The following GBP5 variants were observed in gnomAD, a reference collection of about 807,000 sequenced individuals.
The protein encoded by GBP5 is guanylate binding protein 5.
In GBP5, 48 loss-of-function variants were observed where a neutral mutation model predicts 58.2. The ratio of observed to expected loss-of-function variants is 0.83; its 90% CI spans 0.65 to 1.05. The LOEUF is 1.05. GBP5 is among the 50% of genes least tolerant of loss of function. The pLI, the probability that GBP5 is intolerant of heterozygous loss-of-function variation, is 0.00. For synonymous variants in GBP5, 248 were observed against 251.8 expected, an observed-to-expected ratio of 0.98 and a Z score of 0.14; for missense variants, 714 against 686.8, an observed-to-expected ratio of 1.04 and a Z score of -0.44.
rs1464194739 is a variant in GBP5, at chr1:89,258,223, G to C, written c.*2481C>G. On this transcript the variant is annotated 3_prime_UTR_variant, in exon 12 of 12. Transcript: ENST00000370459. ...TGGTGGGGGAGATATAATAGCAAAA[G>C]TTAAATTAGACTAGAAATCAACTAC... 6.6e-6 allele frequency among the ~76,000 whole-genome samples: 1 copy of C among 152,146 alleles called. No homozygotes were observed. The highest frequency in any genetic ancestry group is 2.4e-5 in the African/African-American group (1 of 41,436).
chr1:89,271,330 T>C (rs1239037945), intron 1 of GBP5: 2 of 152,212 alleles, frequency 1.3e-5, no homozygotes, highest in African/African-American at 4.8e-5. Context: ...TGTATCTCTC[T>C]GGCATTTCAC....
At chr1:89,268,192 T>C (rs776820837) in intron 4 of GBP5, among the ~76,000 whole-genome samples, 2 of 152,258 alleles carry the variant, frequency 1.3e-5, no homozygotes, top group African/African-American at 2.4e-5. Context: ...AGTCAAGTGC[T>C]ACAAATCATG....
rs1227430434 is a variant in GBP5, at chr1:89,262,333, C to T, written c.1534G>A (p.Glu512Lys). 1 of 1,614,128 alleles carries T rather than the reference C, an allele frequency of 6.2e-7. No homozygotes were observed. Among genetic ancestry groups the T allele is most frequent in the Non-Finnish European group, 8.5e-7 (1 of 1,180,000 alleles). Residue 512 changes from glutamate (E) to lysine (K), a missense_variant, in exon 11 of 12, where the codon GAG (glutamate) becomes AAG (lysine). Transcript: ENST00000370459. Reference sequence around the variant, plus strand: ...CTCTCCCTCTCCTGCATCATTTGCTCGTTCTGCCTTTGAATCGCCGCCAAC... The same window carrying T: ...CTCTCCCTCTCCTGCATCATTTGCTTGTTCTGCCTTTGAATCGCCGCCAAC... Reference protein sequence around the residue: ...QRLAAIQRQNEQMMQERERLH... With the variant: ...QRLAAIQRQNKQMMQERERLH...
chr1:89,264,267 C>T (rs11587221), intron 8 of GBP5, among the ~76,000 whole-genome samples: 71,675 of 151,948 alleles, frequency 0.47, 17,915 homozygotes, highest in Middle Eastern at 0.59. Flanking sequence ...CAGTGTTTTA[C>T]TCGGGATTTC....
chr1:89,257,981 A>G lies in GBP5; in HGVS notation c.*2723T>C, dbSNP rs1457729122. Among the ~76,000 whole-genome samples, 1 of 152,232 alleles carries G rather than the reference A, an allele frequency of 6.6e-6. No individual in the cohort carries two copies. Among genetic ancestry groups the G allele is most frequent in the Non-Finnish European group, 1.5e-5 (1 of 68,036 alleles). Reference sequence around the variant, plus strand: ...AAACTAGATCAGTTGATTTCACAACAGTAAGACAAAGAAAGTCAGAAAATA... The same window carrying G: ...AAACTAGATCAGTTGATTTCACAACGGTAAGACAAAGAAAGTCAGAAAATA... On this transcript the variant is annotated 3_prime_UTR_variant, in exon 12 of 12. Transcript: ENST00000370459.
At chr1:89,265,371 TTA>T (rs1650167381) in intron 7 of GBP5, among the ~76,000 whole-genome samples, 1 of 151,174 alleles carries the variant, frequency 6.6e-6, no homozygotes, top group African/African-American at 2.4e-5. Context: ...TTCTTTTTAT[TTA>T]TATATATATT....
intron 11 of GBP5, among the ~76,000 whole-genome samples, chr1:89,261,611 G>A (rs1044352781): frequency 6.6e-6 from 1 of 152,190 alleles, no homozygotes; most frequent in Non-Finnish European, 1.5e-5. Flanking sequence ...GATTAGATGA[G>A]ATAATGCATG....
chr1:89,270,920 G>A (rs1650420968), intron 1 of GBP5, 58 bp from the exon 2 acceptor site: 1 of 152,180 alleles, frequency 6.6e-6, no homozygotes, highest in Admixed American at 6.5e-5. Context: ...GAGCTTACAA[G>A]ATCTTATGAT....
At chr1:89,261,990 G>A (rs913678313) in intron 11 of GBP5, 2 of 539,392 alleles carry the variant, frequency 3.7e-6, no homozygotes, top group East Asian at 6.0e-5. Flanking sequence ...CTATAACATA[G>A]ATATCATCAC....
chr1:89,264,935 A>G lies in GBP5; in HGVS notation c.900T>C (p.Asn300=), dbSNP rs748527233. 1.2e-5 allele frequency: 19 copies of G among 1,614,150 alleles called. No homozygotes were observed. Among genetic ancestry groups the G allele is most frequent in the Non-Finnish European group, 1.4e-5 (17 of 1,179,950 alleles). ...AAGGCAGATCCCCACTGCTGATGGC[A>G]TTGACATAGGTCAGCACCAGGTTCT... ...RLKNLVLTYV[N]AISSGDLPCI... The change falls in exon 8 of 12, where the codon AAT becomes AAC. Residue 300 remains asparagine, a synonymous_variant. Coordinates refer to ENST00000370459, the MANE Select transcript of GBP5 (RefSeq NM_052942.5).
chr1:89,262,379 A>T lies in GBP5; in HGVS notation c.1488T>A (p.Ala496=), dbSNP rs1477438803. 1 of 1,613,854 alleles carries T rather than the reference A, an allele frequency of 6.2e-7. No homozygotes were observed. Among genetic ancestry groups the T allele is most frequent in the South Asian group, 1.1e-5 (1 of 91,082 alleles). Residue 496 remains alanine, a synonymous_variant, in exon 11 of 12, where the codon GCT becomes GCA. Transcript: ENST00000370459. ...KKKEAQVKAE[A]EKAEAQRLAA... Reference sequence around the variant, plus strand: ...CCAACCTTTGCGCTTCAGCCTTTTCAGCTTCTGCTTTCACTTGTGCCTCTG... The same window carrying T: ...CCAACCTTTGCGCTTCAGCCTTTTCTGCTTCTGCTTTCACTTGTGCCTCTG...
intron 6 of GBP5, 145 bp from the exon 7 acceptor site, chr1:89,266,733 T>C (rs537832099): frequency 1.3e-4 from 104 of 830,348 alleles, no homozygotes; most frequent in Non-Finnish European, 1.7e-4. Context: ...TGGTAACTAA[T>C]CAGGGAAAGT....
intron 7 of GBP5, among the ~76,000 whole-genome samples, chr1:89,265,228 C>T (rs1650163672): frequency 6.6e-6 from 1 of 152,136 alleles, no homozygotes; most frequent in South Asian, 2.1e-4. Flanking sequence ...TACAGTTCAT[C>T]CTTCTCTGAT....
chr1:89,267,295 T>G (rs1650259742), intron 5 of GBP5, 122 bp downstream of exon 5: 2 of 964,632 alleles, frequency 2.1e-6, no homozygotes, highest in Admixed American at 2.5e-5. Context: ...GGCTCCTTTC[T>G]TTGTACTTTC....
chr1:89,265,088 G>T, intron 7 of GBP5, 122 bp from the exon 8 acceptor site: 1 of 901,164 alleles, frequency 1.1e-6, no homozygotes, highest in Non-Finnish European at 1.7e-6. Flanking sequence ...ATTATGGACA[G>T]TAGTCAAGTG....
chr1:89,266,492 T>A lies in GBP5; in HGVS notation c.722A>T (p.His241Leu). Residue 241 changes from histidine (H) to leucine (L), a missense_variant, in exon 7 of 12, where the codon CAC becomes CTC. Coordinates refer to ENST00000370459, the MANE Select transcript of GBP5 (RefSeq NM_052942.5). Reference protein sequence around the residue: ...KKCFIFDLPAHQKKLAQLETL... With the variant: ...KKCFIFDLPALQKKLAQLETL... ...TTCAAGTTGGGCAAGCTTTTTTTGG[T>A]GAGCAGGTAAGTCAAAGATAAAGCA... The A allele has an allele frequency of 6.2e-7, 1 of 1,614,146 alleles. No individual in the cohort carries two copies. Among genetic ancestry groups the A allele is most frequent in the Non-Finnish European group, 8.5e-7 (1 of 1,179,998 alleles).
chr1:89,263,664 A>G, intron 9 of GBP5, 72 bp downstream of exon 9: 1 of 1,040,508 alleles, frequency 9.6e-7, no homozygotes, highest in East Asian at 2.4e-5. Flanking sequence ...ATACATGGCA[A>G]TTTTCCTGTT....
At position 89,256,462 on chromosome 1, in the gene GBP5, T is replaced by G. The variant is rs546220929; in HGVS notation, c.*4242A>C. ...GGTTGTTACTTGTGCGTTCATCTTG[T>G]AATTTATTTATATTGAATATTGTAC... is the stretch of plus-strand genomic sequence containing the variant. On this transcript the variant is annotated 3_prime_UTR_variant, in exon 12 of 12. Coordinates refer to ENST00000370459, the MANE Select transcript of GBP5 (RefSeq NM_052942.5). Among the ~76,000 whole-genome samples, 1 of 152,354 alleles carries G rather than the reference T, an allele frequency of 6.6e-6. No individual in the cohort carries two copies. The highest frequency in any genetic ancestry group is 2.1e-4 in the South Asian group (1 of 4,824).
chr1:89,271,085 G>A (rs1467356733), intron 1 of GBP5: 4 of 152,144 alleles, frequency 2.6e-5, no homozygotes, highest in African/African-American at 4.8e-5. Context: ...TTTTAGTAAA[G>A]CCAAATTTCT....
Sources: gnomAD v4.1 joint callset for allele counts (sites outside exome capture counted in the v4.1 genomes callset) on GRCh38, gnomAD v4.1.1 for gene constraint, MANE v1.5 for transcripts, NCBI Gene and HGNC (gene_info 2026-07-23, HGNC 2026-07-21) for gene names.